The following MRPS28 variants were observed in gnomAD, a reference collection of about 807,000 sequenced individuals.
MRPS28 encodes small ribosomal subunit protein bS1m.
In MRPS28, 7 loss-of-function variants were observed where a neutral mutation model predicts 10.8. That is an observed-to-expected ratio of 0.65 (90% confidence interval 0.37 to 1.22). MRPS28 has a LOEUF of 1.22. Among genes scored for constraint, MRPS28 ranks in the 50% most tolerant of loss-of-function variants. The pLI, the probability that MRPS28 is intolerant of heterozygous loss-of-function variation, is 0.02. For missense variants in MRPS28, 265 were observed against 232.9 expected, an observed-to-expected ratio of 1.14 and a Z score of -0.90; for synonymous variants, 121 against 93.3, an observed-to-expected ratio of 1.30 and a Z score of -1.71.
At chr8:79,927,740 ATTTC>A (rs1806330528) in intron 2 of MRPS28, among the ~76,000 whole-genome samples, 1 of 152,194 alleles carries the variant, frequency 6.6e-6, no homozygotes, top group Non-Finnish European at 1.5e-5. Context: ...GTCTGTCGTG[ATTTC>A]TTTGTCTTTT....
intron 2 of MRPS28, among the ~76,000 whole-genome samples, chr8:79,997,932 G>C (rs1216240727): frequency 6.6e-6 from 1 of 151,980 alleles, no homozygotes; most frequent in African/African-American, 2.4e-5. Flanking sequence ...GCACATGCCT[G>C]TAATCCCAGC....
At chr8:80,017,345 G>GTTA (rs1415037988) in intron 1 of MRPS28, among the ~76,000 whole-genome samples, 2 of 151,974 alleles carry the variant, frequency 1.3e-5, no homozygotes, top group Non-Finnish European at 2.9e-5. Context: ...GCAAAAGTTG[G>GTTA]TTATTTGAGG....
chr8:79,979,915 CAAAA>C (rs61633169), intron 2 of MRPS28, among the ~76,000 whole-genome samples: 2 of 31,336 alleles, frequency 6.4e-5, no homozygotes, highest in Non-Finnish European at 1.2e-4. Context: ...GATTCTCACG[CAAAA>C]AAAAAAAAAA....
chr8:79,919,118 C>A lies in MRPS28; in HGVS notation c.426G>T (p.Leu142Phe). 1 of 1,595,810 alleles carries A rather than the reference C, an allele frequency of 6.3e-7. No individual in the cohort carries two copies. The highest frequency in any genetic ancestry group is 8.5e-7 in the Non-Finnish European group (1 of 1,173,884). The change falls in exon 3 of 3, where the codon TTG becomes TTT. Residue 142 changes from leucine to phenylalanine, a missense_variant. Transcript: ENST00000276585. ...ACGTAAGTTCAAGATCTAATAGCCG[C>A]AACCGGACCCTGGTTCCTTTCTGGT... ...EKYQKGTRVR[L>F]RLLDLELTSR...
chr8:80,021,875 T>G (rs912123962), intron 1 of MRPS28, among the ~76,000 whole-genome samples: 2 of 152,196 alleles, frequency 1.3e-5, no homozygotes, highest in Admixed American at 6.5e-5. Flanking sequence ...GGGCTCCCAA[T>G]GGTAACATTT....
At chr8:79,968,832 T>C (rs1807563188) in intron 2 of MRPS28, among the ~76,000 whole-genome samples, 1 of 152,160 alleles carries the variant, frequency 6.6e-6, no homozygotes, top group Non-Finnish European at 1.5e-5. Flanking sequence ...CAGTATAGTG[T>C]GGCCATTAAG....
Position 79,987,262 on chromosome 8 carries a change from T to C in MRPS28, c.395+15737A>G, listed in dbSNP as rs373535203. Among the ~76,000 whole-genome samples, 976 of 151,924 alleles carry C rather than the reference T, an allele frequency of 6.4e-3. 16 individuals are homozygous for C. The highest frequency in any genetic ancestry group is 0.057 in the East Asian group (295 of 5,172). On this transcript the variant is annotated intron_variant, in intron 2 of 2. Coordinates refer to ENST00000276585, the MANE Select transcript of MRPS28 (RefSeq NM_014018.3). The stretch of plus-strand genomic sequence containing the variant: ...AACTGGATCCCTTCCTTACACCTTA[T>C]ACAAAAATCAATTCAAGATGGATTA...
intron 2 of MRPS28, 30 bp downstream of exon 2, chr8:80,002,960 ATGAATACTC>A (rs768401557): frequency 2.1e-6 from 3 of 1,445,682 alleles, no homozygotes; most frequent in African/African-American, 2.9e-5. Context: ...CCCAACTTTT[ATGAATACTC>A]TTAAGGTACT....
chr8:79,980,672 T>C (rs1439101650), intron 2 of MRPS28, among the ~76,000 whole-genome samples: 2 of 152,190 alleles, frequency 1.3e-5, no homozygotes, highest in Non-Finnish European at 2.9e-5. Context: ...TACCAATAGG[T>C]AAATGACTTG....
At chr8:79,971,891 C>T (rs1318538241) in intron 2 of MRPS28, among the ~76,000 whole-genome samples, 1 of 151,998 alleles carries the variant, frequency 6.6e-6, no homozygotes, top group East Asian at 1.9e-4. Flanking sequence ...TTAGTAGAGA[C>T]GGGGTTTCAC....
chr8:80,019,430 A>G (rs565952679), intron 1 of MRPS28, among the ~76,000 whole-genome samples: 42 of 151,786 alleles, frequency 2.8e-4, no homozygotes, highest in African/African-American at 9.4e-4. Flanking sequence ...CAAATGGAAA[A>G]GCATTTGACA....
At chr8:79,992,054 C>T (rs1270967745) in intron 2 of MRPS28, among the ~76,000 whole-genome samples, 1 of 151,998 alleles carries the variant, frequency 6.6e-6, no homozygotes, top group African/African-American at 2.4e-5. Context: ...AGGCCTCCTG[C>T]CAATAACCAG....
intron 2 of MRPS28, among the ~76,000 whole-genome samples, chr8:79,941,681 T>C (rs918397451): frequency 4.6e-5 from 7 of 152,308 alleles, no homozygotes; most frequent in African/African-American, 1.7e-4. Context: ...CATGAACTAA[T>C]GAGCTGGAAA....
chr8:79,928,784 C>A (rs2051482172), intron 2 of MRPS28, among the ~76,000 whole-genome samples: 1 of 88,288 alleles, frequency 1.1e-5, no homozygotes, highest in Non-Finnish European at 2.3e-5. Context: ...TGGTGGCTCA[C>A]GCCTGTAATC....
chr8:79,994,515 A>G (rs1301146457), intron 2 of MRPS28, among the ~76,000 whole-genome samples: 1 of 152,054 alleles, frequency 6.6e-6, no homozygotes, highest in African/African-American at 2.4e-5. Context: ...TCTCTCACCA[A>G]CCACAACTAT....
chr8:79,970,470 C>A (rs1254595407), intron 2 of MRPS28, among the ~76,000 whole-genome samples: 1 of 152,156 alleles, frequency 6.6e-6, no homozygotes, highest in Non-Finnish European at 1.5e-5. Context: ...TTTTATAGGA[C>A]AATGTTCAAC....
intron 1 of MRPS28, among the ~76,000 whole-genome samples, chr8:80,019,565 A>G (rs780388811): frequency 7.9e-5 from 12 of 152,082 alleles, no homozygotes; most frequent in Non-Finnish European, 1.5e-4. Context: ...CCTACTAAGC[A>G]CAGGAAGAAG....
chr8:79,969,716 A>C (rs954685811), intron 2 of MRPS28, among the ~76,000 whole-genome samples: 2 of 151,938 alleles, frequency 1.3e-5, no homozygotes, highest in African/African-American at 4.8e-5. Context: ...CTATAAATTT[A>C]AATTTATAAA....
At chr8:80,027,507 A>C (rs1809522191) in intron 1 of MRPS28, among the ~76,000 whole-genome samples, 1 of 152,212 alleles carries the variant, frequency 6.6e-6, no homozygotes, top group Non-Finnish European at 1.5e-5. Context: ...TCTTGCAGGC[A>C]GTGTGAATGG....
Sources: allele counts gnomAD v4.1 joint callset (sites outside exome capture counted in the v4.1 genomes callset), GRCh38; gene constraint gnomAD v4.1.1; transcripts MANE v1.5; gene names NCBI Gene and HGNC (gene_info 2026-07-23, HGNC 2026-07-21).